The following TRPS1 variants were observed in gnomAD, a reference collection of about 807,000 sequenced individuals.
TRPS1 encodes transcriptional repressor GATA binding 1.
In TRPS1, 6 loss-of-function variants were observed where a neutral mutation model predicts 101.2. The ratio of observed to expected loss-of-function variants is 0.06; its 90% CI spans 0.03 to 0.12. The LOEUF (loss-of-function observed/expected upper bound fraction) is 0.12, where lower values mean the gene tolerates loss of function less well. Among genes scored for constraint, TRPS1 ranks in the 10% least tolerant of loss-of-function variants. The pLI is 1.00. For synonymous variants in TRPS1, 578 were observed against 589.8 expected (o/e 0.98, Z 0.29); for missense variants, 1,363 against 1,567.0 (o/e 0.87, Z 2.20).
intron 5 of TRPS1, among the ~76,000 whole-genome samples, chr8:115,498,577 A>C (rs1159598528): frequency 6.6e-6 from 1 of 151,666 alleles, no homozygotes; most frequent in African/African-American, 2.4e-5. Context: ...TATGGAAACT[A>C]ATAAGCCAGA....
chr8:115,424,139 T>C (rs748360627), intron 5 of TRPS1, among the ~76,000 whole-genome samples: 4 of 152,222 alleles, frequency 2.6e-5, no homozygotes, highest in African/African-American at 7.2e-5. Context: ...CAAGCCCTGA[T>C]AGGCAGAATA....
At chr8:115,495,005 A>G (rs895248537) in intron 5 of TRPS1, among the ~76,000 whole-genome samples, 10 of 152,090 alleles carry the variant, frequency 6.6e-5, no homozygotes, top group Non-Finnish European at 1.3e-4. Flanking sequence ...CCTGAATTTT[A>G]CCTGGCTCAA....
intron 1 of TRPS1, among the ~76,000 whole-genome samples, chr8:115,639,556 G>T (rs60391743): frequency 6.6e-6 from 1 of 151,896 alleles, no homozygotes; most frequent in East Asian, 1.9e-4. Flanking sequence ...ATGGCCAGGC[G>T]TGGTGGTTCA....
intron 5 of TRPS1, among the ~76,000 whole-genome samples, chr8:115,489,405 A>T (rs1814966386): frequency 6.6e-6 from 1 of 152,320 alleles, no homozygotes; most frequent in Middle Eastern, 3.4e-3. Flanking sequence ...GCAGAAAAAA[A>T]CCACAGAATT....
intron 5 of TRPS1, among the ~76,000 whole-genome samples, chr8:115,571,475 C>A (rs1817202050): frequency 6.6e-6 from 1 of 152,116 alleles, no homozygotes; most frequent in Non-Finnish European, 1.5e-5. Context: ...AGCCTTAAAG[C>A]TTGGAAGATT....
At chr8:115,619,107 C>T in intron 3 of TRPS1, 25 bp downstream of exon 3, 2 of 1,612,370 alleles carry the variant, frequency 1.2e-6, no homozygotes, top group Middle Eastern at 1.7e-4. Context: ...TTTTTCTGTA[C>T]AAAGAGACAA....
intron 5 of TRPS1, among the ~76,000 whole-genome samples, chr8:115,545,153 C>A (rs997765433): frequency 1.3e-5 from 2 of 152,096 alleles, no homozygotes; most frequent in African/African-American, 4.8e-5. Context: ...AAGGATCCTT[C>A]TTGACAAAGC....
intron 6 of TRPS1, 130 bp from the exon 7 acceptor site, chr8:115,415,214 T>C (rs1438030623): frequency 4.1e-6 from 4 of 985,948 alleles, no homozygotes; most frequent in Non-Finnish European, 5.7e-6. Flanking sequence ...GTAGATTTAC[T>C]AAATCTCCTC....
intron 5 of TRPS1, among the ~76,000 whole-genome samples, chr8:115,454,091 G>A (rs1185492523): frequency 6.6e-6 from 1 of 152,054 alleles, no homozygotes; most frequent in Non-Finnish European, 1.5e-5. Context: ...TAGGGTAGTG[G>A]GGTCTACTTA....
intron 1 of TRPS1, among the ~76,000 whole-genome samples, chr8:115,628,348 C>T (rs1432899937): frequency 6.6e-6 from 1 of 151,700 alleles, no homozygotes; most frequent in Non-Finnish European, 1.5e-5. Flanking sequence ...GTACAAAATA[C>T]AAAATTTGGT....
intron 5 of TRPS1, among the ~76,000 whole-genome samples, chr8:115,499,978 C>CTT (rs1815273020): frequency 2.2e-5 from 3 of 135,922 alleles, no homozygotes; most frequent in African/African-American, 9.0e-5. Context: ...CTTTTCTTTT[C>CTT]TTTTCTTTTC....
At chr8:115,657,707 A>C (rs1471005049) in intron 1 of TRPS1, among the ~76,000 whole-genome samples, 6 of 152,098 alleles carry the variant, frequency 3.9e-5, no homozygotes, top group African/African-American at 1.4e-4. Flanking sequence ...ACTAAAATTG[A>C]CTTTTTTTAA....
rs1004556362 is a variant in TRPS1 at position 115,410,779 on chromosome 8, T to C, written c.*3244A>G. On this transcript the variant is annotated 3_prime_UTR_variant, in exon 7 of 7. Coordinates refer to ENST00000395715, the MANE Select transcript of TRPS1 (RefSeq NM_014112.5). Reference sequence around the variant, plus strand: ...AAGCTCAATTTAGAATATAGACAAATAATTTTAAAATATTTTCAGTTTTTA... The same window carrying C: ...AAGCTCAATTTAGAATATAGACAAACAATTTTAAAATATTTTCAGTTTTTA... 2 of 152,222 alleles carry C rather than the reference T, an allele frequency of 1.3e-5. No individual in the cohort carries two copies. The highest frequency in any genetic ancestry group is 2.9e-5 in the Non-Finnish European group (2 of 67,976). 9.4% of individuals were successfully genotyped at this position (152,222 alleles called of 1,614,324 possible).
chr8:115,495,106 T>C (rs1285564449), intron 5 of TRPS1, among the ~76,000 whole-genome samples: 2 of 152,188 alleles, frequency 1.3e-5, no homozygotes, highest in Non-Finnish European at 2.9e-5. Flanking sequence ...ATGCAGAGGA[T>C]GTACCATGGC....
intron 5 of TRPS1, among the ~76,000 whole-genome samples, chr8:115,442,709 T>C (rs1419579320): frequency 6.6e-6 from 1 of 151,666 alleles, no homozygotes; most frequent in African/African-American, 2.4e-5. Context: ...CGCCTGTAAT[T>C]CCAGCACTTT....
At chr8:115,443,225 A>T (rs1813652469) in intron 5 of TRPS1, among the ~76,000 whole-genome samples, 1 of 151,746 alleles carries the variant, frequency 6.6e-6, no homozygotes, top group African/African-American at 2.4e-5. Context: ...AGCTGACATC[A>T]TGCCACTGCA....
chr8:115,506,502 T>C (rs1048936610), intron 5 of TRPS1, among the ~76,000 whole-genome samples: 2 of 152,114 alleles, frequency 1.3e-5, no homozygotes, highest in Admixed American at 1.3e-4. Flanking sequence ...AACTATCTTG[T>C]TATTGTTACT....
intron 1 of TRPS1, among the ~76,000 whole-genome samples, chr8:115,652,223 AC>A (rs1811575520): frequency 6.6e-6 from 1 of 152,152 alleles, no homozygotes; most frequent in Non-Finnish European, 1.5e-5. Context: ...TGGAAAGACC[AC>A]TGGGGCTTGG....
chr8:115,628,271 CA>C (rs1818553890), intron 1 of TRPS1, among the ~76,000 whole-genome samples: 1 of 151,834 alleles, frequency 6.6e-6, no homozygotes, highest in Admixed American at 6.6e-5. Flanking sequence ...ACATATCCAA[CA>C]GATAACACAA....
Sources: allele counts gnomAD v4.1 joint callset (sites outside exome capture counted in the v4.1 genomes callset), GRCh38; gene constraint gnomAD v4.1.1; transcripts MANE v1.5; gene names NCBI Gene and HGNC (gene_info 2026-07-23, HGNC 2026-07-21).